Variants in NXPE4 observed in about 807,000 individuals in gnomAD.
NXPE4 encodes the protein NXPE family member 4.
In NXPE4, 42 loss-of-function variants were observed where a neutral mutation model predicts 33.3. That is an observed-to-expected ratio of 1.26 (90% CI 0.98 to 1.63). NXPE4 has a LOEUF of 1.63. NXPE4 is among the 40% of genes most tolerant of loss of function. NXPE4 has a pLI of 0.00. For synonymous variants in NXPE4, 253 were observed against 234.9 expected, an observed-to-expected ratio of 1.08 and a Z score of -0.71; for missense variants, 709 against 647.6, an observed-to-expected ratio of 1.09 and a Z score of -1.03.
chr11:114,618,895 G>A, the NXPE4 span, among the ~76,000 whole-genome samples: 6 of 152,102 alleles, frequency 3.9e-5, no homozygotes, highest in East Asian at 1.2e-3. Flanking sequence ...CTGTTACCCG[G>A]AGGATAATAA....
the NXPE4 span, among the ~76,000 whole-genome samples, chr11:114,655,323 GTTTAA>G: frequency 6.6e-6 from 1 of 152,094 alleles, no homozygotes; most frequent in South Asian, 2.1e-4. Flanking sequence ...AAACTCTTTA[GTTTAA>G]TTAGATCCCA....
the NXPE4 span, among the ~76,000 whole-genome samples, chr11:114,634,807 T>G: frequency 6.6e-6 from 1 of 152,082 alleles, no homozygotes; most frequent in African/African-American, 2.4e-5. Context: ...GGCTCTGTTC[T>G]GTTCCATTGA....
the NXPE4 span, among the ~76,000 whole-genome samples, chr11:114,655,992 C>G: frequency 2.0e-5 from 3 of 152,166 alleles, no homozygotes; most frequent in African/African-American, 4.8e-5. Context: ...CAAATTGTCT[C>G]TCTTTGCAGA....
chr11:114,664,693 G>T, the NXPE4 span, among the ~76,000 whole-genome samples: 1 of 152,114 alleles, frequency 6.6e-6, no homozygotes, highest in African/African-American at 2.4e-5. Flanking sequence ...CTCATAAAGT[G>T]GTGCAAAAGT....
the NXPE4 span, among the ~76,000 whole-genome samples, chr11:114,605,068 CCAG>C: frequency 6.1e-4 from 93 of 151,736 alleles, no homozygotes; most frequent in African/African-American, 2.1e-3. Context: ...CCACTGTTAC[CCAG>C]TGGATAATAA....
At chr11:114,667,875 T>C in the NXPE4 span, among the ~76,000 whole-genome samples, 1 of 152,148 alleles carries the variant, frequency 6.6e-6, no homozygotes, top group Non-Finnish European at 1.5e-5. Flanking sequence ...ACTCCTAAGT[T>C]CTCAACTGCA....
the NXPE4 span, among the ~76,000 whole-genome samples, chr11:114,669,471 G>A: frequency 5.3e-5 from 8 of 152,038 alleles, no homozygotes. Context: ...CCAGTTGTGT[G>A]TTGCAGAGGT....
At chr11:114,669,169 T>C in the NXPE4 span, among the ~76,000 whole-genome samples, 3 of 152,056 alleles carry the variant, frequency 2.0e-5, no homozygotes, top group Non-Finnish European at 4.4e-5. Flanking sequence ...AGTGGAACAA[T>C]CATAATTGAT....
intron 5 of NXPE4, among the ~76,000 whole-genome samples, chr11:114,578,705 G>A (rs546991314): frequency 1.3e-5 from 2 of 152,262 alleles, no homozygotes; most frequent in Admixed American, 6.5e-5. Context: ...GCCAGGATCC[G>A]GGGTCATAGA....
chr11:114,623,005 A>G, the NXPE4 span, among the ~76,000 whole-genome samples: 3 of 152,040 alleles, frequency 2.0e-5, no homozygotes, highest in Non-Finnish European at 1.5e-5. Context: ...CTGGTGGATA[A>G]TAAGTGTTGC....
the NXPE4 span, among the ~76,000 whole-genome samples, chr11:114,673,302 CA>C: frequency 5.3e-5 from 8 of 150,964 alleles, no homozygotes; most frequent in Admixed American, 4.6e-4. Flanking sequence ...TATAACAAAC[CA>C]AAACTTATGG....
At chr11:114,602,696 A>G in the NXPE4 span, among the ~76,000 whole-genome samples, 2 of 139,162 alleles carry the variant, frequency 1.4e-5, no homozygotes, top group South Asian at 4.7e-4. Flanking sequence ...ATTATCTCAT[A>G]TATAATAATT....
At chr11:114,625,461 A>G in the NXPE4 span, among the ~76,000 whole-genome samples, 1 of 152,108 alleles carries the variant, frequency 6.6e-6, no homozygotes, top group Admixed American at 6.5e-5. Context: ...TTGGGTAACC[A>G]CTGTCACCCG....
At chr11:114,580,387 G>C (rs115062938) in intron 4 of NXPE4, 49 bp from the exon 5 acceptor site, 7 of 1,527,570 alleles carry the variant, frequency 4.6e-6, no homozygotes, top group Non-Finnish European at 6.3e-6. Flanking sequence ...CAAATTACCC[G>C]TCAGTATGTA....
In NXPE4 at chr11:114,583,647, C is replaced by T. The variant is rs998527692; in HGVS notation, c.97-626G>A. The T allele has an allele frequency of 8.5e-6, 5 of 588,980 alleles. No homozygotes were observed. In the Admixed American group the frequency reaches 9.3e-5, roughly 11 times the overall value. 36.5% of individuals were successfully genotyped at this position (588,980 alleles called of 1,614,324 possible). On this transcript the variant is annotated intron_variant, in intron 2 of 5. Transcript: ENST00000375478. Reference sequence around the variant, plus strand: ...CTTAATGAGCAGCAGATGGACACTGCTGTGAATTGGGCTGGAGGCCTGCAC... The same window carrying T: ...CTTAATGAGCAGCAGATGGACACTGTTGTGAATTGGGCTGGAGGCCTGCAC...
the NXPE4 span, among the ~76,000 whole-genome samples, chr11:114,631,716 T>C: frequency 6.6e-6 from 1 of 151,630 alleles, no homozygotes; most frequent in Admixed American, 6.6e-5. Context: ...TGTTACCCGG[T>C]GGGTAATAAG....
chr11:114,660,494 T>C, the NXPE4 span, among the ~76,000 whole-genome samples: 7 of 151,984 alleles, frequency 4.6e-5, no homozygotes, highest in African/African-American at 1.7e-4. Flanking sequence ...ACCATATCAT[T>C]AGGCTAAAGA....
chr11:114,651,542 G>A, the NXPE4 span, among the ~76,000 whole-genome samples: 18 of 152,340 alleles, frequency 1.2e-4, no homozygotes, highest in African/African-American at 4.1e-4. Context: ...CGAAAAGATT[G>A]CCACTGCTGG....
At chr11:114,635,395 T>A in the NXPE4 span, among the ~76,000 whole-genome samples, 1 of 151,046 alleles carries the variant, frequency 6.6e-6, no homozygotes, top group Non-Finnish European at 1.5e-5. Flanking sequence ...AGATATACAA[T>A]CATGTCGTCT....
Sources: gnomAD v4.1 joint callset for allele counts (sites outside exome capture counted in the v4.1 genomes callset) on GRCh38, gnomAD v4.1.1 for gene constraint, MANE v1.5 for transcripts, NCBI Gene and HGNC (gene_info 2026-07-23, HGNC 2026-07-21) for gene names.